RYR2: variants seen among roughly 807,000 people sequenced by gnomAD.
The protein encoded by RYR2 is cardiac muscle ryanodine receptor-calcium release channel.
A neutral mutation model predicts 601.1 loss-of-function variants in RYR2; 227 were observed. The observed-to-expected ratio is 0.38, with a 90% confidence interval of 0.34 to 0.42. The LOEUF (loss-of-function observed/expected upper bound fraction) is 0.42. Among genes scored for constraint, RYR2 ranks in the 10% least tolerant of loss-of-function variants. The pLI, the probability that RYR2 is intolerant of heterozygous loss-of-function variation, is 1.00. For missense variants in RYR2, 4,646 were observed against 6,156.5 expected (o/e 0.75, Z 8.21); for synonymous variants, 2,223 against 2,175.1 (o/e 1.02, Z -0.61).
At chr1:237,398,332 C>A (rs545395684) in intron 10 of RYR2, among the ~76,000 whole-genome samples, 1 of 152,080 alleles carries the variant, frequency 6.6e-6, no homozygotes, top group Non-Finnish European at 1.5e-5. Flanking sequence ...GGTAAAAAGA[C>A]AAGCTACAGA....
chr1:237,283,262 A>C (rs1294610704), intron 2 of RYR2, among the ~76,000 whole-genome samples: 2 of 151,860 alleles, frequency 1.3e-5, no homozygotes, highest in Non-Finnish European at 1.5e-5. Context: ...TTGCCTGTCT[A>C]CCTGGTTGCT....
At chr1:237,058,452 A>G (rs1443717606) in intron 1 of RYR2, among the ~76,000 whole-genome samples, 2 of 152,244 alleles carry the variant, frequency 1.3e-5, no homozygotes, top group East Asian at 3.8e-4. Flanking sequence ...AAAAAATCTA[A>G]CCAGTAAATC....
intron 100 of RYR2, among the ~76,000 whole-genome samples, chr1:237,818,356 C>T (rs1269568809): frequency 1.3e-5 from 2 of 152,048 alleles, no homozygotes; most frequent in Non-Finnish European, 2.9e-5. Context: ...ATTATCCAGC[C>T]AAAAATGTCA....
At chr1:237,436,132 C>T (rs1055381233) in intron 12 of RYR2, among the ~76,000 whole-genome samples, 4 of 152,128 alleles carry the variant, frequency 2.6e-5, no homozygotes, top group Admixed American at 6.5e-5. Flanking sequence ...GATAATCTCT[C>T]GTTTGATTTA....
intron 10 of RYR2, among the ~76,000 whole-genome samples, chr1:237,391,917 A>G (rs528611327): frequency 6.6e-6 from 1 of 152,228 alleles, no homozygotes; most frequent in African/African-American, 2.4e-5. Flanking sequence ...GCTTTTATGG[A>G]TTGAATCCTG....
chr1:237,196,582 A>G (rs917629980), intron 1 of RYR2, among the ~76,000 whole-genome samples: 2 of 152,126 alleles, frequency 1.3e-5, no homozygotes, highest in African/African-American at 4.8e-5. Context: ...TGATTATTTT[A>G]TATGTCAGCT....
intron 74 of RYR2, among the ~76,000 whole-genome samples, chr1:237,725,992 G>C (rs1690161097): frequency 6.6e-6 from 1 of 151,906 alleles, no homozygotes; most frequent in Non-Finnish European, 1.5e-5. Flanking sequence ...TATGTTAAAG[G>C]CCTAACAGTG....
intron 2 of RYR2, among the ~76,000 whole-genome samples, chr1:237,275,074 GCACACACACACATACACGCACACACA>G (rs1216527960): frequency 2.0e-5 from 3 of 149,836 alleles, no homozygotes; most frequent in Non-Finnish European, 4.4e-5. Flanking sequence ...CATGGGTGAT[GCACACACACACATACACGCACACACA>G]CACACACACA....
chr1:237,093,528 G>C (rs1221809756), intron 1 of RYR2, among the ~76,000 whole-genome samples: 1 of 152,178 alleles, frequency 6.6e-6, no homozygotes, highest in Admixed American at 6.5e-5. Flanking sequence ...GGCTGACCCT[G>C]GCCTGGGCTC....
At chr1:237,206,206 G>C (rs1018950666) in intron 1 of RYR2, among the ~76,000 whole-genome samples, 2 of 152,192 alleles carry the variant, frequency 1.3e-5, no homozygotes, top group Non-Finnish European at 2.9e-5. Context: ...GAGCCACTAG[G>C]ACCCCCAGGA....
At chr1:237,235,938 A>G (rs996436464) in intron 1 of RYR2, among the ~76,000 whole-genome samples, 1 of 152,214 alleles carries the variant, frequency 6.6e-6, no homozygotes, top group African/African-American at 2.4e-5. Context: ...CTCATATTGG[A>G]TGACAACATT....
intron 24 of RYR2, among the ~76,000 whole-genome samples, chr1:237,512,902 G>T (rs144062386): frequency 6.6e-6 from 1 of 152,208 alleles, no homozygotes; most frequent in African/African-American, 2.4e-5. Context: ...AAATTTAAAA[G>T]GAGCCAGAGT....
At chr1:237,184,772 A>AT (rs548737184) in intron 1 of RYR2, among the ~76,000 whole-genome samples, 1 of 152,044 alleles carries the variant, frequency 6.6e-6, no homozygotes, top group Non-Finnish European at 1.5e-5. Context: ...TAGGTTTTAA[A>AT]TTTTTTTAAT....
chr1:237,410,833 G>A (rs1704378217), intron 10 of RYR2, among the ~76,000 whole-genome samples: 1 of 151,986 alleles, frequency 6.6e-6, no homozygotes, highest in Non-Finnish European at 1.5e-5. Flanking sequence ...CTTCAGAAGA[G>A]GATTTAAATA....
At chr1:237,608,222 C>T (rs574644609) in intron 35 of RYR2, among the ~76,000 whole-genome samples, 1 of 152,264 alleles carries the variant, frequency 6.6e-6, no homozygotes, top group South Asian at 2.1e-4. Context: ...GGGCAGAACT[C>T]TCAAGAATGT....
intron 86 of RYR2, among the ~76,000 whole-genome samples, chr1:237,772,545 T>C (rs1411597920): frequency 1.3e-5 from 2 of 152,188 alleles, no homozygotes; most frequent in Admixed American, 6.5e-5. Context: ...TTTGCATTAA[T>C]TTTCACACCA....
At position 237,551,656 on chromosome 1, in the gene RYR2, C is replaced by A. The variant is rs79868233; in HGVS notation, c.3214+965C>A. The stretch of plus-strand genomic sequence containing the variant: ...GCAAAAAACAAATTACGGTTGTGTG[C>A]TTCGTCACAGGGCCTATAATTTTTG... On this transcript the variant is annotated intron_variant, in intron 27 of 104. Transcript: ENST00000366574. 4.3e-3 allele frequency among the ~76,000 whole-genome samples: 649 copies of A among 151,958 alleles called. 16 individuals are homozygous for A. In the East Asian group the frequency reaches 0.08, roughly 19 times the overall value.
chr1:237,357,733 A>T (rs1699422547), intron 4 of RYR2, among the ~76,000 whole-genome samples: 1 of 152,164 alleles, frequency 6.6e-6, no homozygotes, highest in South Asian at 2.1e-4. Context: ...TAGTTTGCCA[A>T]GTGACTGGCT....
intron 12 of RYR2, among the ~76,000 whole-genome samples, chr1:237,428,110 G>A (rs185811364): frequency 4.9e-4 from 75 of 152,284 alleles, no homozygotes; most frequent in African/African-American, 1.5e-3. Context: ...AACAGATGCT[G>A]GTGAGGCTGT....
Sources: gnomAD v4.1 joint callset for allele counts (sites outside exome capture counted in the v4.1 genomes callset) on GRCh38, gnomAD v4.1.1 for gene constraint, MANE v1.5 for transcripts, NCBI Gene and HGNC (gene_info 2026-07-23, HGNC 2026-07-21) for gene names.